The following TP63 variants were observed in gnomAD, a reference collection of about 807,000 sequenced individuals.
TP63 encodes tumor protein 63.
In TP63, 17 loss-of-function variants were observed where a neutral mutation model predicts 82.8. That is an observed-to-expected ratio of 0.21 (90% CI 0.14 to 0.31). TP63 has a LOEUF of 0.31. Ranked by LOEUF, TP63 falls within the 10% of genes least tolerant of loss-of-function variation. The pLI, the probability that TP63 is intolerant of heterozygous loss-of-function variation, is 1.00. For missense variants in TP63, 648 were observed against 895.3 expected (o/e 0.72, Z 3.52); for synonymous variants, 330 against 321.7 (o/e 1.03, Z -0.28).
intron 1 of TP63, among the ~76,000 whole-genome samples, chr3:189,710,108 A>G (rs1195046300): frequency 1.3e-5 from 2 of 152,150 alleles, no homozygotes; most frequent in Admixed American, 6.6e-5. Context: ...AGACTATACT[A>G]TTAAATCATA....
intron 1 of TP63, among the ~76,000 whole-genome samples, chr3:189,702,451 A>G (rs1203970171): frequency 6.6e-6 from 1 of 152,112 alleles, no homozygotes. Context: ...AGGAGGTTTG[A>G]TTGGTAAATC....
chr3:189,774,124 G>C (rs998234648), intron 3 of TP63, among the ~76,000 whole-genome samples: 1 of 151,636 alleles, frequency 6.6e-6, no homozygotes, highest in Non-Finnish European at 1.5e-5. Context: ...GGGTTTCACC[G>C]TGTTAGCCAG....
At chr3:189,773,038 A>C (rs919566951) in intron 3 of TP63, among the ~76,000 whole-genome samples, 1 of 152,086 alleles carries the variant, frequency 6.6e-6, no homozygotes, top group Non-Finnish European at 1.5e-5. Flanking sequence ...AATCAGCGAA[A>C]ATGTTTCCAA....
chr3:189,784,437 T>A (rs1364531588), intron 3 of TP63, among the ~76,000 whole-genome samples: 1 of 152,062 alleles, frequency 6.6e-6, no homozygotes, highest in Non-Finnish European at 1.5e-5. Flanking sequence ...CAGATTCGGA[T>A]CTCAATTCCA....
intron 3 of TP63, among the ~76,000 whole-genome samples, chr3:189,787,897 C>T (rs149543253): frequency 1.3e-5 from 2 of 152,090 alleles, no homozygotes; most frequent in East Asian, 3.9e-4. Context: ...TCTGGGGCCA[C>T]GTCCAGAAAT....
chr3:189,623,544 C>G, the TP63 span, among the ~76,000 whole-genome samples: 7 of 152,156 alleles, frequency 4.6e-5, no homozygotes, highest in Non-Finnish European at 8.8e-5. Context: ...ATTCTTGATT[C>G]TACTGGGATC....
chr3:189,700,193 T>G (rs868181043), intron 1 of TP63, among the ~76,000 whole-genome samples: 2 of 152,158 alleles, frequency 1.3e-5, no homozygotes, highest in African/African-American at 4.8e-5. Context: ...ATCATTTTGA[T>G]TTTTCCAATT....
rs150894026 is a variant in TP63 at position 189,764,695 on chromosome 3, T to C, written c.324+25921T>C. Among the ~76,000 whole-genome samples, 169 of 152,320 alleles carry C rather than the reference T, an allele frequency of 1.1e-3. 2 individuals are homozygous for C. Among genetic ancestry groups the C allele is most frequent in the African/African-American group, 3.8e-3 (158 of 41,558 alleles). ...ATTAAAAAAAATAGTTCTAACTTCA[T>C]TGTGTTTACTTATCATCCTCCCAAG... is the stretch of plus-strand genomic sequence containing the variant. On this transcript the variant is annotated intron_variant, in intron 3 of 13. Transcript: ENST00000264731.
chr3:189,784,281 C>T (rs1232376756), intron 3 of TP63, among the ~76,000 whole-genome samples: 1 of 151,916 alleles, frequency 6.6e-6, no homozygotes, highest in Admixed American at 6.6e-5. Flanking sequence ...ACTGTTATTA[C>T]AATCATAGCA....
intron 3 of TP63, among the ~76,000 whole-genome samples, chr3:189,748,508 C>CAAGAAAAAAAAA (rs1721548676): frequency 6.4e-5 from 2 of 31,260 alleles, no homozygotes; most frequent in African/African-American, 1.3e-4. Context: ...AGGAAAACTA[C>CAAGAAAAAAAAA]AAAAAAAAAA....
intron 4 of TP63, among the ~76,000 whole-genome samples, chr3:189,848,387 T>A (rs1227474721): frequency 6.6e-6 from 1 of 151,754 alleles, no homozygotes; most frequent in African/African-American, 2.4e-5. Context: ...CTGGCTTTTT[T>A]TTTTTTAATT....
At chr3:189,652,957 A>G (rs918503909) in intron 1 of TP63, among the ~76,000 whole-genome samples, 9 of 146,962 alleles carry the variant, frequency 6.1e-5, no homozygotes, top group Admixed American at 6.0e-4. Flanking sequence ...TGAGTCAATT[A>G]AACCTCTTTC....
chr3:189,720,899 AT>A (rs1184633013), intron 1 of TP63, among the ~76,000 whole-genome samples: 1 of 152,180 alleles, frequency 6.6e-6, no homozygotes. Context: ...CAGCAGCCAC[AT>A]GGCAATCACA....
chr3:189,729,714 G>A (rs1186049987), intron 1 of TP63, among the ~76,000 whole-genome samples: 5 of 151,966 alleles, frequency 3.3e-5, no homozygotes, highest in Non-Finnish European at 5.9e-5. Context: ...TTCCATTTGA[G>A]GTTGAAAAGG....
At chr3:189,714,827 CTCT>C (rs968081043) in intron 1 of TP63, among the ~76,000 whole-genome samples, 4 of 152,084 alleles carry the variant, frequency 2.6e-5, no homozygotes, top group African/African-American at 9.7e-5. Flanking sequence ...TAAAAAGCAT[CTCT>C]TTTTTTTAAA....
At position 189,896,786 on chromosome 3, in the gene TP63, C is replaced by T. The variant is rs146760848; in HGVS notation, c.*2284C>T. ...TGGCTTACCTCCTCATGGCAGCCTA[C>T]TCTCCTTGAGTGTATGAGTAGCCAG... On this transcript the variant is annotated 3_prime_UTR_variant, in exon 14 of 14. Transcript: ENST00000264731. The T allele has an allele frequency of 8.2e-5, 17 of 207,364 alleles. No homozygotes were observed. In the East Asian group the frequency reaches 1.3e-3, roughly 15 times the overall value. 12.8% of individuals were successfully genotyped at this position (207,364 alleles called of 1,614,324 possible).
chr3:189,662,042 A>G (rs763466977), intron 1 of TP63, among the ~76,000 whole-genome samples: 1 of 151,662 alleles, frequency 6.6e-6, no homozygotes, highest in Non-Finnish European at 1.5e-5. Flanking sequence ...TCTGTGGGTG[A>G]ATTTTGGGGT....
At chr3:189,801,851 T>C (rs894046329) in intron 3 of TP63, among the ~76,000 whole-genome samples, 2 of 152,246 alleles carry the variant, frequency 1.3e-5, no homozygotes. Context: ...TATTTTGTTC[T>C]TTGTATGAGT....
Position 189,895,042 on chromosome 3 carries a change from CGAT to C in TP63, c.*545_*547del. On this transcript the variant is annotated 3_prime_UTR_variant, in exon 14 of 14. Coordinates refer to ENST00000264731, the MANE Select transcript of TP63 (RefSeq NM_003722.5). ...AGAGCTTAATGCTACATGTGAGTGA[CGAT>C]GATGTACAGATTCTTTCAGTTCTTT... is the stretch of plus-strand genomic sequence containing the variant. 1.8e-5 allele frequency: 4 copies of C among 220,388 alleles called. No individual in the cohort carries two copies. The highest frequency in any genetic ancestry group is 3.6e-5 in the Non-Finnish European group (4 of 109,882). The allele number at this position is 220,388 out of a possible 1,614,324, so 13.7% of individuals were successfully genotyped here.
Sources: allele counts gnomAD v4.1 joint callset (sites outside exome capture counted in the v4.1 genomes callset), GRCh38; gene constraint gnomAD v4.1.1; transcripts MANE v1.5; gene names NCBI Gene and HGNC (gene_info 2026-07-23, HGNC 2026-07-21).